The following MTUS1 variants were observed in gnomAD, a reference collection of about 807,000 sequenced individuals.
MTUS1 encodes microtubule-associated tumor suppressor 1.
MTUS1 carries 109 observed loss-of-function variants against 120.8 expected under a neutral mutation model. The observed-to-expected ratio is 0.90, with a 90% CI of 0.77 to 1.06. The LOEUF is 1.06. Ranked by LOEUF, MTUS1 falls within the 50% of genes least tolerant of loss-of-function variation. MTUS1 has a pLI of 0.00. For synonymous variants in MTUS1, 737 were observed against 550.5 expected, an observed-to-expected ratio of 1.34 and a Z score of -4.74; for missense variants, 2,210 against 1,486.3, an observed-to-expected ratio of 1.49 and a Z score of -8.01.
chr8:17,711,920 C>T (rs1821375437), intron 6 of MTUS1, among the ~76,000 whole-genome samples: 1 of 152,132 alleles, frequency 6.6e-6, no homozygotes, highest in Admixed American at 6.5e-5. Context: ...GAAGAGGGAC[C>T]AGTCAGTGGA....
At chr8:17,665,628 TG>T (rs1311598340) in intron 8 of MTUS1, among the ~76,000 whole-genome samples, 2 of 152,180 alleles carry the variant, frequency 1.3e-5, no homozygotes, top group Non-Finnish European at 2.9e-5. Flanking sequence ...CCCAAAGTGC[TG>T]GAATTACTGG....
intron 3 of MTUS1, among the ~76,000 whole-genome samples, chr8:17,740,324 G>A (rs570736223): frequency 5.9e-5 from 9 of 152,210 alleles, no homozygotes; most frequent in Non-Finnish European, 1.2e-4. Flanking sequence ...ACTGGGTCTG[G>A]TTTTCTACTT....
intron 1 of MTUS1, among the ~76,000 whole-genome samples, chr8:17,769,693 G>T (rs1053383369): frequency 2.6e-5 from 4 of 152,024 alleles, no homozygotes; most frequent in African/African-American, 9.7e-5. Flanking sequence ...CATTTTCAGG[G>T]CATCCTATAT....
intron 6 of MTUS1, among the ~76,000 whole-genome samples, chr8:17,708,543 T>C (rs1290637931): frequency 6.6e-6 from 1 of 152,046 alleles, no homozygotes; most frequent in Non-Finnish European, 1.5e-5. Flanking sequence ...AGCCTGGAGG[T>C]TTCTTAAACT....
intron 7 of MTUS1, among the ~76,000 whole-genome samples, chr8:17,678,100 C>T (rs962056770): frequency 2.0e-5 from 3 of 152,118 alleles, no homozygotes; most frequent in Non-Finnish European, 2.9e-5. Flanking sequence ...GAAATGCTGA[C>T]CCCAGTGCCC....
intron 7 of MTUS1, among the ~76,000 whole-genome samples, chr8:17,679,025 T>C (rs909102938): frequency 6.6e-6 from 1 of 152,170 alleles, no homozygotes; most frequent in Non-Finnish European, 1.5e-5. Flanking sequence ...TCATGAGATA[T>C]AAGAATGTCT....
chr8:17,684,694 C>A, intron 6 of MTUS1, 152 bp from the exon 7 acceptor site: 1 of 651,502 alleles, frequency 1.5e-6, no homozygotes. Context: ...TGGAATGAAT[C>A]GGAGATCTAG....
At chr8:17,756,744 G>A (rs953076043) in intron 1 of MTUS1, among the ~76,000 whole-genome samples, 1 of 143,674 alleles carries the variant, frequency 7.0e-6, no homozygotes, top group Non-Finnish European at 1.5e-5. Flanking sequence ...GCAGTCATAA[G>A]CGTGGAGTGC....
chr8:17,782,338 T>C (rs968975090), intron 1 of MTUS1, among the ~76,000 whole-genome samples: 3 of 152,246 alleles, frequency 2.0e-5, no homozygotes, highest in Non-Finnish European at 4.4e-5. Context: ...TTTATAGACA[T>C]AACCATATAC....
intron 2 of MTUS1, among the ~76,000 whole-genome samples, chr8:17,752,323 G>A (rs1425338142): frequency 6.6e-6 from 1 of 152,114 alleles, no homozygotes. Flanking sequence ...ATGTATATCT[G>A]TAAATGCCAA....
chr8:17,728,782 T>TG lies in MTUS1; in HGVS notation c.2288-4950dup, dbSNP rs576055757. Among the ~76,000 whole-genome samples, 398 of 126,358 alleles carry TG rather than the reference T, an allele frequency of 3.1e-3. 1 individual carries two copies. Among genetic ancestry groups the TG allele is most frequent in the Non-Finnish European group, 5.0e-3 (301 of 60,256 alleles). 82.9% of individuals were successfully genotyped at this position (126,358 alleles called of 152,430 possible). A position where few individuals can be genotyped will look rare whatever the true frequency, so the allele number is the denominator to read the frequency against. ...ATGGATATGGTGGGAAGATGTGGGT[T>TG]GGGGGGGTCGGGGAGGGTGAGGCTT... On this transcript the variant is annotated intron_variant, in intron 3 of 14. Coordinates refer to ENST00000693296, the MANE Select transcript of MTUS1 (RefSeq NM_001363059.2).
Position 17,673,724 on chromosome 8 carries a change from G to C in MTUS1, c.2905+1462C>G, listed in dbSNP as rs533303632. On this transcript the variant is annotated intron_variant, in intron 8 of 14. Coordinates refer to ENST00000693296, the MANE Select transcript of MTUS1 (RefSeq NM_001363059.2). ...CCCACCTCAGCCTCCCAAAGCGCTG[G>C]GATTACAGGTGTGAGCTACCACACC... Among the ~76,000 whole-genome samples, 13 of 152,174 alleles carry C rather than the reference G, an allele frequency of 8.5e-5. No individual in the cohort carries two copies. In the South Asian group the frequency reaches 2.7e-3, roughly 32 times the overall value.
intron 1 of MTUS1, among the ~76,000 whole-genome samples, chr8:17,761,781 A>C (rs2131381695): frequency 6.6e-6 from 1 of 152,346 alleles, no homozygotes; most frequent in South Asian, 2.1e-4. Flanking sequence ...TAAGATGTGA[A>C]TACAAATACA....
intron 1 of MTUS1, among the ~76,000 whole-genome samples, chr8:17,796,810 A>C (rs1399804004): frequency 6.6e-6 from 1 of 152,182 alleles, no homozygotes; most frequent in African/African-American, 2.4e-5. Context: ...GTTTAGAAAT[A>C]AATTTTTAGG....
intron 3 of MTUS1, among the ~76,000 whole-genome samples, chr8:17,724,876 C>T (rs148727823): frequency 6.6e-6 from 1 of 152,128 alleles, no homozygotes; most frequent in Admixed American, 6.6e-5. Flanking sequence ...ATTGAGTACT[C>T]TAGGTTTTCA....
At chr8:17,722,866 C>T (rs1563268162) in intron 4 of MTUS1, among the ~76,000 whole-genome samples, 2 of 152,178 alleles carry the variant, frequency 1.3e-5, no homozygotes, top group Non-Finnish European at 2.9e-5. Flanking sequence ...CCCAACTCCT[C>T]ACCCAAAAGA....
At chr8:17,732,513 TG>T (rs1156385555) in intron 3 of MTUS1, among the ~76,000 whole-genome samples, 4 of 152,212 alleles carry the variant, frequency 2.6e-5, no homozygotes, top group Non-Finnish European at 4.4e-5. Context: ...CTTACTGCCG[TG>T]GGGCTCTCAT....
intron 13 of MTUS1, among the ~76,000 whole-genome samples, chr8:17,647,518 C>T (rs1362085526): frequency 6.6e-6 from 1 of 151,906 alleles, no homozygotes; most frequent in Non-Finnish European, 1.5e-5. Context: ...AATTCACAGT[C>T]CCTGGCAACG....
At chr8:17,770,863 T>C (rs2049971930) in intron 1 of MTUS1, among the ~76,000 whole-genome samples, 1 of 152,192 alleles carries the variant, frequency 6.6e-6, no homozygotes, top group African/African-American at 2.4e-5. Context: ...CTTTAAGCAA[T>C]TTTCAGATCA....
Sources: allele counts gnomAD v4.1 joint callset (sites outside exome capture counted in the v4.1 genomes callset), GRCh38; gene constraint gnomAD v4.1.1; transcripts MANE v1.5; gene names NCBI Gene and HGNC (gene_info 2026-07-23, HGNC 2026-07-21).